The following PPP2R3A variants were observed in gnomAD, a reference collection of about 807,000 sequenced individuals.
PPP2R3A encodes the protein serine/threonine-protein phosphatase 2A regulatory subunit B'' subunit alpha.
PPP2R3A carries 80 observed loss-of-function variants against 106.9 expected under a neutral mutation model. The observed-to-expected ratio is 0.75, with a 90% confidence interval of 0.62 to 0.90. The LOEUF (loss-of-function observed/expected upper bound fraction) is 0.90, where lower values mean the gene tolerates loss of function less well. Ranked by LOEUF, PPP2R3A falls within the 40% of genes least tolerant of loss-of-function variation. The pLI, the probability that PPP2R3A is intolerant of heterozygous loss-of-function variation, is 0.00. For synonymous variants in PPP2R3A, 483 were observed against 468.3 expected, an observed-to-expected ratio of 1.03 and a Z score of -0.41; for missense variants, 1,386 against 1,350.4, an observed-to-expected ratio of 1.03 and a Z score of -0.41.
intron 1 of PPP2R3A, among the ~76,000 whole-genome samples, chr3:135,972,100 C>CCCTGTA: frequency 6.6e-6 from 1 of 152,296 alleles, no homozygotes; most frequent in East Asian, 1.9e-4. Flanking sequence ...CAAAAGGAAA[C>CCCTGTA]CCTGTACCCA....
intron 1 of PPP2R3A, among the ~76,000 whole-genome samples, chr3:135,992,958 A>G (rs1002292142): frequency 4.6e-5 from 7 of 152,294 alleles, no homozygotes; most frequent in Admixed American, 2.0e-4. Flanking sequence ...ATGTCCCAGG[A>G]GTCAAGTGAG....
chr3:136,128,775 A>C (rs1445853452), intron 13 of PPP2R3A, among the ~76,000 whole-genome samples: 1 of 152,032 alleles, frequency 6.6e-6, no homozygotes, highest in African/African-American at 2.4e-5. Flanking sequence ...GAAGTAAAGC[A>C]CTCCTCAGCA....
chr3:136,047,064 A>C (rs1449133834), intron 4 of PPP2R3A, among the ~76,000 whole-genome samples: 1 of 152,242 alleles, frequency 6.6e-6, no homozygotes, highest in African/African-American at 2.4e-5. Flanking sequence ...TTAAAAAATG[A>C]AAACTCTCAG....
At position 135,965,862 on chromosome 3, in the gene PPP2R3A, A is replaced by G. The variant is rs1937064868; in HGVS notation, c.-441+13A>G. 6.7e-6 allele frequency: 1 copy of G among 149,918 alleles called. No homozygotes were observed. Among genetic ancestry groups the G allele is most frequent in the Non-Finnish European group, 1.5e-5 (1 of 67,576 alleles). 9.3% of individuals were successfully genotyped at this position (149,918 alleles called of 1,614,324 possible). The stretch of plus-strand genomic sequence containing the variant: ...CGCGGGCAACGAGGTAGGCAAAGGA[A>G]CACTGGCCGCACGGCCTGGAGCCTT... On this transcript the variant is annotated intron_variant, in intron 1 of 13. Coordinates refer to ENST00000264977, the MANE Select transcript of PPP2R3A (RefSeq NM_002718.5).
intron 13 of PPP2R3A, 48 bp downstream of exon 13, chr3:136,106,370 AT>A: frequency 6.7e-7 from 1 of 1,498,280 alleles, no homozygotes; most frequent in Non-Finnish European, 9.3e-7. Context: ...AGGAATGCGC[AT>A]GTCCAGAGTA....
chr3:135,967,468 G>T (rs1937120590), intron 1 of PPP2R3A, among the ~76,000 whole-genome samples: 1 of 152,164 alleles, frequency 6.6e-6, no homozygotes, highest in African/African-American at 2.4e-5. Context: ...AATTAATTTG[G>T]CCTTAATGTT....
At chr3:136,063,436 G>C (rs949923906) in intron 5 of PPP2R3A, among the ~76,000 whole-genome samples, 1 of 152,136 alleles carries the variant, frequency 6.6e-6, no homozygotes, top group Non-Finnish European at 1.5e-5. Flanking sequence ...TCTTTTTAAA[G>C]TAAAGAGCTT....
intron 3 of PPP2R3A, among the ~76,000 whole-genome samples, chr3:136,036,363 G>A (rs1409155199): frequency 6.6e-6 from 1 of 152,196 alleles, no homozygotes; most frequent in Non-Finnish European, 1.5e-5. Context: ...CAGAGGAAAG[G>A]TCTAGGGCTG....
Position 136,040,994 on chromosome 3 carries a change from G to A in PPP2R3A, c.2366+32G>A, listed in dbSNP as rs377612726. The A allele has an allele frequency of 6.1e-5, 96 of 1,573,852 alleles. 1 individual carries two copies. In the Middle Eastern group the frequency reaches 6.7e-4, roughly 11 times the overall value. ...ATGTGAGCAGTCTCTCTGGAGCTAG[G>A]CAAAGAATTGTGTGACCCTCATGAC... is the stretch of plus-strand genomic sequence containing the variant. On this transcript the variant is annotated intron_variant, in intron 4 of 13. Coordinates refer to ENST00000264977, the MANE Select transcript of PPP2R3A (RefSeq NM_002718.5).
At chr3:136,115,535 C>G (rs953432110) in intron 13 of PPP2R3A, among the ~76,000 whole-genome samples, 8 of 151,708 alleles carry the variant, frequency 5.3e-5, no homozygotes, top group Admixed American at 5.3e-4. Flanking sequence ...CTAGAATAAC[C>G]AGCCTAAAGA....
Position 136,111,212 on chromosome 3 carries a change from G to T in PPP2R3A, c.3329+4890G>T, listed in dbSNP as rs146243350. ...TAGGACTAAATAAGTATTGATCACA[G>T]ATATATAAGAGAGAAAAAGGAATTG... is the stretch of plus-strand genomic sequence containing the variant. On this transcript the variant is annotated intron_variant, in intron 13 of 13. Coordinates refer to ENST00000264977, the MANE Select transcript of PPP2R3A (RefSeq NM_002718.5). Among the ~76,000 whole-genome samples, 66 of 152,276 alleles carry T rather than the reference G, an allele frequency of 4.3e-4. 1 individual carries two copies. The East Asian group carries it at 0.012, about 28-fold the overall frequency.
intron 8 of PPP2R3A, 136 bp downstream of exon 8, chr3:136,082,557 A>G: frequency 1.1e-6 from 1 of 888,330 alleles, no homozygotes; most frequent in South Asian, 1.6e-5. Flanking sequence ...AATTTTTAAG[A>G]GGGGATGAGT....
chr3:136,063,530 A>G (rs964520417), intron 5 of PPP2R3A, among the ~76,000 whole-genome samples: 12 of 152,248 alleles, frequency 7.9e-5, no homozygotes, highest in African/African-American at 2.9e-4. Flanking sequence ...TCATCTGACA[A>G]AGGGCTAATA....
intron 1 of PPP2R3A, among the ~76,000 whole-genome samples, chr3:135,981,054 C>CA (rs1379386039): frequency 2.6e-5 from 4 of 152,036 alleles, no homozygotes; most frequent in African/African-American, 9.7e-5. Context: ...TTTGGATAAC[C>CA]AGATGCCTAT....
chr3:136,105,666 AAAG>A (rs1937496956), intron 12 of PPP2R3A, among the ~76,000 whole-genome samples: 1 of 152,128 alleles, frequency 6.6e-6, no homozygotes, highest in African/African-American at 2.4e-5. Context: ...CTTTTAAAAA[AAAG>A]AGTTGGAATC....
intron 5 of PPP2R3A, among the ~76,000 whole-genome samples, chr3:136,053,549 A>G (rs550674272): frequency 6.6e-6 from 1 of 152,192 alleles, no homozygotes; most frequent in Non-Finnish European, 1.5e-5. Context: ...GAAGGTCGGT[A>G]TACACAACAA....
chr3:135,984,983 G>A (rs889897958), intron 1 of PPP2R3A, among the ~76,000 whole-genome samples: 2 of 151,986 alleles, frequency 1.3e-5, no homozygotes, highest in Admixed American at 6.6e-5. Context: ...TCACTGTCAC[G>A]AGAACAGGAC....
chr3:136,073,068 C>T (rs1036541403), intron 6 of PPP2R3A, among the ~76,000 whole-genome samples: 12 of 152,050 alleles, frequency 7.9e-5, no homozygotes, highest in Admixed American at 2.0e-4. Context: ...CTCGGGTTCA[C>T]GCCATTCTCC....
chr3:135,990,320 C>T (rs1462843493), intron 1 of PPP2R3A, among the ~76,000 whole-genome samples: 1 of 152,072 alleles, frequency 6.6e-6, no homozygotes, highest in Non-Finnish European at 1.5e-5. Flanking sequence ...TCAAAATGAA[C>T]TTGTCAGGGA....
Sources: allele counts gnomAD v4.1 joint callset (sites outside exome capture counted in the v4.1 genomes callset), GRCh38; gene constraint gnomAD v4.1.1; transcripts MANE v1.5; gene names NCBI Gene and HGNC (gene_info 2026-07-23, HGNC 2026-07-21).